Variants in PRCC observed in about 807,000 individuals in gnomAD.
PRCC encodes proline rich mitotic checkpoint control factor, also known as proline-rich protein PRCC.
PRCC carries 10 observed loss-of-function variants against 44.0 expected under a neutral mutation model. The ratio of observed to expected loss-of-function variants is 0.23; its 90% CI spans 0.14 to 0.39. PRCC has a LOEUF of 0.39. Ranked by LOEUF, PRCC falls within the 10% of genes least tolerant of loss-of-function variation. The pLI is 1.00. For missense variants in PRCC, 573 were observed against 624.7 expected (o/e 0.92, Z 0.88); for synonymous variants, 278 against 259.5 (o/e 1.07, Z -0.69).
intron 3 of PRCC, among the ~76,000 whole-genome samples, chr1:156,788,659 CTTTTT>C (rs58867718): frequency 1.0e-5 from 1 of 95,272 alleles, no homozygotes; most frequent in Admixed American, 1.2e-4. Context: ...TTGCCAGCAT[CTTTTT>C]TTTTTTTTTT....
chr1:156,782,279 T>C lies in PRCC; in HGVS notation c.469-3T>C, dbSNP rs751069701. 1 of 1,603,278 alleles carries C rather than the reference T, an allele frequency of 6.2e-7. No individual in the cohort carries two copies. Among genetic ancestry groups the C allele is most frequent in the Admixed American group, 1.7e-5 (1 of 59,924 alleles). On this transcript the variant is annotated splice_polypyrimidine_tract_variant and splice_region_variant and intron_variant, in intron 1 of 6. Coordinates refer to ENST00000271526, the MANE Select transcript of PRCC (RefSeq NM_005973.5). The stretch of plus-strand genomic sequence containing the variant: ...GGCCTTACTTCATTTCTTTTTCTCT[T>C]AGTCAGATTCTGAGGAAGATGAACC...
At chr1:156,778,048 G>A (rs1030897727) in intron 1 of PRCC, among the ~76,000 whole-genome samples, 3 of 151,606 alleles carry the variant, frequency 2.0e-5, no homozygotes, top group Non-Finnish European at 4.4e-5. Flanking sequence ...TATTTTTTTT[G>A]TGGTGAGAAC....
At chr1:156,786,352 G>A (rs1356538097) in intron 2 of PRCC, among the ~76,000 whole-genome samples, 4 of 152,148 alleles carry the variant, frequency 2.6e-5, no homozygotes, top group Non-Finnish European at 4.4e-5. Context: ...GTGGAAGAGG[G>A]CAGTGGAGCT....
intron 2 of PRCC, among the ~76,000 whole-genome samples, chr1:156,783,475 C>T (rs1335917559): frequency 4.0e-5 from 6 of 151,356 alleles, no homozygotes; most frequent in Non-Finnish European, 7.4e-5. Flanking sequence ...TTGCCTGGCA[C>T]GGTGGCTCAT....
At chr1:156,784,345 G>T (rs1328140590) in intron 2 of PRCC, among the ~76,000 whole-genome samples, 3 of 152,194 alleles carry the variant, frequency 2.0e-5, no homozygotes, top group African/African-American at 7.2e-5. Flanking sequence ...TAGCTTCCTG[G>T]AGGAGGTAGA....
At position 156,790,949 on chromosome 1, in the gene PRCC, C is replaced by T. The variant is rs1351546583; in HGVS notation, c.1084-748C>T. On this transcript the variant is annotated intron_variant, in intron 3 of 6. Coordinates refer to ENST00000271526, the MANE Select transcript of PRCC (RefSeq NM_005973.5). ...GAAGGGCATTTCTTGGAGTTTAAGACGAAGTGGAAGAATTAGGAAAAAGTA... is the reference window on the plus strand; with the variant it reads ...GAAGGGCATTTCTTGGAGTTTAAGATGAAGTGGAAGAATTAGGAAAAAGTA... 1.1e-4 allele frequency: 55 copies of T among 517,354 alleles called. 1 individual carries two copies. The highest frequency in any genetic ancestry group is 6.7e-4 in the South Asian group (43 of 64,646). The allele number at this position is 517,354 out of a possible 1,614,324, so 32.0% of individuals were successfully genotyped here. A position where few individuals can be genotyped will look rare whatever the true frequency, so the allele number is the denominator to read the frequency against.
chr1:156,792,386 C>T (rs911780778), intron 4 of PRCC, among the ~76,000 whole-genome samples: 1 of 152,090 alleles, frequency 6.6e-6, no homozygotes, highest in Non-Finnish European at 1.5e-5. Context: ...AGCACGTCCA[C>T]TTTGATCTCA....
chr1:156,800,481 C>A lies in PRCC; in HGVS notation c.*21C>A, dbSNP rs763767593. The A allele has an allele frequency of 6.2e-7, 1 of 1,613,308 alleles. No individual in the cohort carries two copies. The highest frequency in any genetic ancestry group is 8.5e-7 in the Non-Finnish European group (1 of 1,179,320). ...TCTAGGGCTCTGGAACTGATTGCTC[C>A]CAGGATCTCCTGCCAGCCCAGCTGG... On this transcript the variant is annotated 3_prime_UTR_variant, in exon 7 of 7. Transcript: ENST00000271526.
chr1:156,800,294 T>C (rs1652791716), intron 6 of PRCC, 80 bp from the exon 7 acceptor site: 1 of 1,330,010 alleles, frequency 7.5e-7, no homozygotes, highest in East Asian at 2.3e-5. Context: ...GATTTTAAAT[T>C]GGGAAGCTCA....
intron 3 of PRCC, chr1:156,791,175 G>A (rs1433811649): frequency 5.8e-6 from 8 of 1,390,228 alleles, no homozygotes; most frequent in Non-Finnish European, 6.8e-6. Context: ...AAGTTTCATT[G>A]TATCCTAATA....
In PRCC at chr1:156,800,581, C is replaced by T. The variant is rs1010130023; in HGVS notation, c.*121C>T. 99 of 953,682 alleles carry T rather than the reference C, an allele frequency of 1.0e-4. No homozygotes were observed. Among genetic ancestry groups the T allele is most frequent in the Non-Finnish European group, 1.4e-4 (86 of 610,550 alleles). The allele number at this position is 953,682 out of a possible 1,614,324, so 59.1% of individuals were successfully genotyped here. A position where few individuals can be genotyped will look rare whatever the true frequency, so the allele number is the denominator to read the frequency against. On this transcript the variant is annotated 3_prime_UTR_variant, in exon 7 of 7. Coordinates refer to ENST00000271526, the MANE Select transcript of PRCC (RefSeq NM_005973.5). ...TCTCTTTCCCCAAGGACCCAGCCCT[C>T]GCCTCTGCGAGAATGAACATATTTG...
At chr1:156,785,352 A>G (rs925667615) in intron 2 of PRCC, among the ~76,000 whole-genome samples, 1 of 152,100 alleles carries the variant, frequency 6.6e-6, no homozygotes, top group African/African-American at 2.4e-5. Context: ...TCTACTAAAA[A>G]TACAAAAATT....
chr1:156,794,610 C>T (rs1431447452), intron 4 of PRCC, 55 bp from the exon 5 acceptor site: 3 of 1,595,418 alleles, frequency 1.9e-6, no homozygotes, highest in Non-Finnish European at 2.6e-6. Flanking sequence ...TCTTTAGTGG[C>T]ATCTGCTGAC....
At chr1:156,778,369 T>G (rs1021348452) in intron 1 of PRCC, among the ~76,000 whole-genome samples, 2 of 152,172 alleles carry the variant, frequency 1.3e-5, no homozygotes, top group African/African-American at 4.8e-5. Context: ...AGAATTTCCT[T>G]TTTTAAGGCT....
rs996911856 is a variant in PRCC at position 156,768,058 on chromosome 1, T to C, written c.287T>C (p.Val96Ala). Residue 96 changes from valine (V) to alanine (A), a missense_variant, in exon 1 of 7, where the codon GTG (valine) becomes GCG (alanine). Physicochemically the swap from Val to Ala is moderately conservative, Grantham distance 64. This residue lies in a region of PRCC where 245 missense variants were observed against 188.5 expected (regional missense o/e 1.30). Transcript: ENST00000271526. ...GLGGFPPPPG[V>A]SPAEAAGVGE... Reference sequence around the variant, plus strand: ...GGAGGCTTCCCCCCACCTCCAGGCGTGAGCCCGGCTGAAGCGGCGGGAGTT... The same window carrying C: ...GGAGGCTTCCCCCCACCTCCAGGCGCGAGCCCGGCTGAAGCGGCGGGAGTT... 3.1e-6 allele frequency: 5 copies of C among 1,589,240 alleles called. No individual in the cohort carries two copies. In the East Asian group the frequency reaches 1.1e-4, roughly 36 times the overall value.
At chr1:156,768,619 T>C (rs1371144646) in intron 1 of PRCC, among the ~76,000 whole-genome samples, 4 of 152,332 alleles carry the variant, frequency 2.6e-5, no homozygotes, top group Admixed American at 2.6e-4. Context: ...ACAGGGCTCC[T>C]GAACCTTTGC....
rs368968762 is a variant in PRCC, at chr1:156,767,895, C to A, written c.124C>A (p.Leu42Ile). The part of the protein sequence containing the change: ...GPALGGLFAS[L>I]PAPKGPALLP... ...CGCTTTAGGGGGCTTGTTCGCTTCT[C>A]TCCCTGCGCCCAAGGGTCCGGCCTT... is the stretch of plus-strand genomic sequence containing the variant. Residue 42 changes from leucine (L) to isoleucine (I), a missense_variant, in exon 1 of 7, where the codon CTC becomes ATC. Transcript: ENST00000271526. 6.2e-7 allele frequency: 1 copy of A among 1,604,122 alleles called. No homozygotes were observed. The highest frequency in any genetic ancestry group is 2.2e-5 in the East Asian group (1 of 44,544).
At chr1:156,790,311 AG>A (rs1652428438) in intron 3 of PRCC, among the ~76,000 whole-genome samples, 1 of 152,228 alleles carries the variant, frequency 6.6e-6, no homozygotes. Flanking sequence ...TCTGCCCTTA[AG>A]GTTGTTCTTA....
At chr1:156,784,335 T>C (rs1431103575) in intron 2 of PRCC, among the ~76,000 whole-genome samples, 1 of 152,178 alleles carries the variant, frequency 6.6e-6, no homozygotes, top group Non-Finnish European at 1.5e-5. Flanking sequence ...GTTACCAGGA[T>C]AGCTTCCTGG....
Sources: allele counts gnomAD v4.1 joint callset (sites outside exome capture counted in the v4.1 genomes callset), GRCh38; gene constraint gnomAD v4.1.1; regional missense constraint gnomAD v4.1.1; transcripts MANE v1.5; gene names NCBI Gene and HGNC (gene_info 2026-07-23, HGNC 2026-07-21).